GPC5: variants seen among roughly 807,000 people sequenced by gnomAD.
GPC5 encodes the protein glypican-5.
GPC5 carries 47 observed loss-of-function variants against 53.9 expected under a neutral mutation model. The observed-to-expected ratio is 0.87, with a 90% CI of 0.69 to 1.11. GPC5 has a LOEUF of 1.11. GPC5 is among the 50% of genes most tolerant of loss of function. The pLI, the probability that GPC5 is intolerant of heterozygous loss-of-function variation, is 0.00. For synonymous variants in GPC5, 286 were observed against 263.3 expected (o/e 1.09, Z -0.84); for missense variants, 748 against 713.1 (o/e 1.05, Z -0.56).
At chr13:91,504,357 C>T (rs1350483845) in intron 2 of GPC5, among the ~76,000 whole-genome samples, 4 of 151,852 alleles carry the variant, frequency 2.6e-5, no homozygotes, top group Admixed American at 2.6e-4. Flanking sequence ...ATCAGGAATT[C>T]CATAATTGTT....
At chr13:92,604,788 CTTTTA>C (rs1183010539) in intron 7 of GPC5, among the ~76,000 whole-genome samples, 2 of 152,116 alleles carry the variant, frequency 1.3e-5, no homozygotes, top group African/African-American at 2.4e-5. Flanking sequence ...TTACTAAGTG[CTTTTA>C]TTTTATACAT....
At chr13:92,382,309 C>G (rs2043755462) in intron 7 of GPC5, among the ~76,000 whole-genome samples, 1 of 151,978 alleles carries the variant, frequency 6.6e-6, no homozygotes, top group South Asian at 2.1e-4. Flanking sequence ...TCTCCCAAAT[C>G]ACCACTAAAG....
chr13:92,851,748 G>T (rs1018658014), intron 7 of GPC5, among the ~76,000 whole-genome samples: 3 of 151,362 alleles, frequency 2.0e-5, no homozygotes, highest in Admixed American at 2.0e-4. Flanking sequence ...AATTAGCCAG[G>T]CGTGGTGGTG....
intron 7 of GPC5, among the ~76,000 whole-genome samples, chr13:92,242,175 A>G (rs12428175): frequency 0.27 from 40,875 of 150,494 alleles, 5,977 homozygotes; most frequent in Admixed American, 0.33. Context: ...GGAGGTTGCA[A>G]TGAGCCTAGA....
chr13:92,291,815 G>A (rs895980288), intron 7 of GPC5, among the ~76,000 whole-genome samples: 1 of 151,922 alleles, frequency 6.6e-6, no homozygotes, highest in African/African-American at 2.4e-5. Context: ...CGGGAGGAAC[G>A]AACAACTCCA....
At chr13:92,395,907 G>GGTTTTTTTTTTTTTTTGT (rs1555332655) in intron 7 of GPC5, among the ~76,000 whole-genome samples, 1 of 130,664 alleles carries the variant, frequency 7.7e-6, no homozygotes, top group Admixed American at 7.6e-5. Context: ...GTTTGTTTCT[G>GGTTTTTTTTTTTTTTTGT]TTTTTTTTTT....
intron 7 of GPC5, among the ~76,000 whole-genome samples, chr13:92,261,930 A>G (rs2042770159): frequency 6.6e-6 from 1 of 152,196 alleles, no homozygotes. Context: ...TCTACCTGGC[A>G]TTTGTTATAC....
intron 6 of GPC5, among the ~76,000 whole-genome samples, chr13:92,018,994 TAATC>T (rs1207849254): frequency 2.0e-5 from 3 of 152,022 alleles, no homozygotes; most frequent in African/African-American, 2.4e-5. Context: ...CTTTGGTACT[TAATC>T]AATAATAAAA....
chr13:92,650,099 A>T (rs1885905845), intron 7 of GPC5, among the ~76,000 whole-genome samples: 1 of 152,142 alleles, frequency 6.6e-6, no homozygotes, highest in South Asian at 2.1e-4. Flanking sequence ...GGTTAGTATC[A>T]TAGATTTTAC....
intron 1 of GPC5, among the ~76,000 whole-genome samples, chr13:91,417,763 A>C (rs926845912): frequency 3.3e-5 from 5 of 152,164 alleles, no homozygotes; most frequent in Non-Finnish European, 7.3e-5. Context: ...CAAGCCCTTC[A>C]GGTAGTCTTT....
chr13:91,487,171 G>T (rs1012149020), intron 2 of GPC5, among the ~76,000 whole-genome samples: 2 of 152,084 alleles, frequency 1.3e-5, no homozygotes, highest in Non-Finnish European at 2.9e-5. Flanking sequence ...TATTTAACGT[G>T]CACAAGGGGT....
At chr13:92,717,219 A>T (rs1255130694) in intron 7 of GPC5, among the ~76,000 whole-genome samples, 1 of 152,074 alleles carries the variant, frequency 6.6e-6, no homozygotes, top group East Asian at 1.9e-4. Flanking sequence ...ATTCAAAGAG[A>T]TGGTATCAAT....
At position 92,249,237 on chromosome 13, in the gene GPC5, C is replaced by T. The variant is rs529865512; in HGVS notation, c.1561+104248C>T. ...ATTGTTGACTATAGTTTTGCCACTG[C>T]AAACAATAGAAGGCTGCCTGATATG... On this transcript the variant is annotated intron_variant, in intron 7 of 7. Coordinates refer to ENST00000377067, the MANE Select transcript of GPC5 (RefSeq NM_004466.6). 4.6e-5 allele frequency among the ~76,000 whole-genome samples: 7 copies of T among 152,194 alleles called. No homozygotes were observed. The South Asian group carries it at 1.5e-3, about 32-fold the overall frequency.
intron 5 of GPC5, among the ~76,000 whole-genome samples, chr13:91,857,360 G>A (rs1017267092): frequency 1.3e-5 from 2 of 151,394 alleles, no homozygotes; most frequent in Admixed American, 6.6e-5. Context: ...TCTAATTTAT[G>A]AACATGGATT....
intron 2 of GPC5, among the ~76,000 whole-genome samples, chr13:91,520,545 A>G (rs1339606692): frequency 6.6e-6 from 1 of 152,166 alleles, no homozygotes; most frequent in Non-Finnish European, 1.5e-5. Context: ...TGACTGTAGC[A>G]TCAACTCTTC....
At position 91,566,931 on chromosome 13, in the gene GPC5, CT is replaced by C. The variant is rs372108616; in HGVS notation, c.325+118024del. ...AAAATTAATTATTTTTCTTCCAATT[CT>C]TTTTTTTTTTTTTTGAGAAAGCAAA... On this transcript the variant is annotated intron_variant, in intron 2 of 7. Transcript: ENST00000377067. Among the ~76,000 whole-genome samples the C allele has an allele frequency of 3.5e-3, 487 of 140,682 alleles. 1 individual carries two copies. The highest frequency in any genetic ancestry group is 4.2e-3 in the Admixed American group (59 of 14,036). 92.3% of individuals were successfully genotyped at this position (140,682 alleles called of 152,430 possible).
intron 2 of GPC5, among the ~76,000 whole-genome samples, chr13:91,622,911 T>C (rs896194911): frequency 1.3e-5 from 2 of 152,146 alleles, no homozygotes; most frequent in African/African-American, 4.8e-5. Flanking sequence ...CAGAGAGGAA[T>C]TGATTGAATT....
At chr13:92,355,108 T>C (rs923213479) in intron 7 of GPC5, among the ~76,000 whole-genome samples, 2 of 151,702 alleles carry the variant, frequency 1.3e-5, no homozygotes, top group Non-Finnish European at 2.9e-5. Context: ...AATCTGTTAT[T>C]AATGAAATTA....
At chr13:91,430,986 C>T (rs775858072) in intron 1 of GPC5, among the ~76,000 whole-genome samples, 10 of 152,040 alleles carry the variant, frequency 6.6e-5, no homozygotes, top group Non-Finnish European at 1.3e-4. Flanking sequence ...GCAATCCTCT[C>T]ACCTCAGTCT....
Sources: gnomAD v4.1 joint callset for allele counts (sites outside exome capture counted in the v4.1 genomes callset) on GRCh38, gnomAD v4.1.1 for gene constraint, MANE v1.5 for transcripts, NCBI Gene and HGNC (gene_info 2026-07-23, HGNC 2026-07-21) for gene names.